The following TRAPPC9 variants were observed in gnomAD, a reference collection of about 807,000 sequenced individuals.
TRAPPC9 encodes IKK2 binding protein.
In TRAPPC9, 83 loss-of-function variants were observed where a neutral mutation model predicts 124.0. That is an observed-to-expected ratio of 0.67 (90% CI 0.56 to 0.80). TRAPPC9 has a LOEUF of 0.80. Among genes scored for constraint, TRAPPC9 ranks in the 30% least tolerant of loss-of-function variants. The probability of loss-of-function intolerance (pLI) is 0.00; values close to 1 mark genes in which losing one functional copy is unlikely to be tolerated. For missense variants in TRAPPC9, 1,302 were observed against 1,508.3 expected (o/e 0.86, Z 2.27); for synonymous variants, 638 against 617.5 (o/e 1.03, Z -0.49).
intron 11 of TRAPPC9, among the ~76,000 whole-genome samples, chr8:140,295,357 C>A (rs544402860): frequency 6.6e-6 from 1 of 152,354 alleles, no homozygotes; most frequent in South Asian, 2.1e-4. Flanking sequence ...AGCATGACTG[C>A]AGACCACAGA....
intron 21 of TRAPPC9, among the ~76,000 whole-genome samples, chr8:139,829,459 A>G (rs1350641833): frequency 2.6e-5 from 4 of 152,246 alleles, no homozygotes. Flanking sequence ...CACACGTGCT[A>G]TAATGGGAGA....
chr8:140,227,125 A>G (rs550442650), intron 16 of TRAPPC9, among the ~76,000 whole-genome samples: 2 of 152,336 alleles, frequency 1.3e-5, no homozygotes, highest in South Asian at 4.1e-4. Flanking sequence ...TCGCCCATAC[A>G]GGAACAGAGC....
At chr8:140,168,655 G>T (rs1450693408) in intron 17 of TRAPPC9, among the ~76,000 whole-genome samples, 1 of 152,144 alleles carries the variant, frequency 6.6e-6, no homozygotes, top group African/African-American at 2.4e-5. Flanking sequence ...TTGCTGTCAT[G>T]TCTGGTCCTC....
chr8:140,099,390 AGGT>A (rs2060528009), intron 17 of TRAPPC9: 1 of 151,248 alleles, frequency 6.6e-6, no homozygotes, highest in African/African-American at 2.4e-5. Flanking sequence ...CAGGGGAGAC[AGGT>A]CTCAGCGAGC....
At chr8:140,406,624 G>GT (rs1271879833) in intron 5 of TRAPPC9, among the ~76,000 whole-genome samples, 1 of 152,166 alleles carries the variant, frequency 6.6e-6, no homozygotes, top group Non-Finnish European at 1.5e-5. Context: ...GCCTCAAAAG[G>GT]TTTTTTGGAA....
intron 17 of TRAPPC9, among the ~76,000 whole-genome samples, chr8:140,161,791 T>C (rs2130893068): frequency 7.1e-6 from 1 of 141,510 alleles, no homozygotes; most frequent in South Asian, 2.3e-4. Flanking sequence ...ATTTGGGCAA[T>C]GAGAGGGGAG....
chr8:140,294,978 G>C (rs1436592558), intron 11 of TRAPPC9, among the ~76,000 whole-genome samples: 2 of 152,176 alleles, frequency 1.3e-5, no homozygotes, highest in Non-Finnish European at 2.9e-5. Context: ...AAAGCACACG[G>C]TGGTGGCCCT....
intron 21 of TRAPPC9, among the ~76,000 whole-genome samples, chr8:139,801,167 T>C (rs1175463122): frequency 1.3e-5 from 2 of 152,192 alleles, no homozygotes; most frequent in South Asian, 2.1e-4. Context: ...GATGGGTATC[T>C]CCACAGGGAC....
rs183799266 is a variant in TRAPPC9, at chr8:140,054,770, C to T, written c.2557-30691G>A. The stretch of plus-strand genomic sequence containing the variant: ...ATTAGAAGATGACTATGAACCATTA[C>T]ACAACAACAAATTGAATAACCTATG... On this transcript the variant is annotated intron_variant, in intron 17 of 22. Transcript: ENST00000438773. 6.6e-5 allele frequency among the ~76,000 whole-genome samples: 10 copies of T among 151,950 alleles called. No individual in the cohort carries two copies. In the East Asian group the frequency reaches 1.5e-3, roughly 24 times the overall value.
Position 140,197,200 on chromosome 8 carries a change from G to C in TRAPPC9, c.2556+24259C>G, listed in dbSNP as rs1390674843. Reference sequence around the variant, plus strand: ...GAGGAAGAGAAGATAGAGAAAAGGAGAGAGAAGAAAGAGAAGACCTTGAGA... The same window carrying C: ...GAGGAAGAGAAGATAGAGAAAAGGACAGAGAAGAAAGAGAAGACCTTGAGA... On this transcript the variant is annotated intron_variant, in intron 17 of 22. Transcript: ENST00000438773. Among the ~76,000 whole-genome samples the C allele has an allele frequency of 2.0e-5, 3 of 152,218 alleles. No individual in the cohort carries two copies. In the East Asian group the frequency reaches 5.8e-4, roughly 29 times the overall value.
intron 19 of TRAPPC9, among the ~76,000 whole-genome samples, chr8:139,948,728 C>G (rs562321348): frequency 2.0e-5 from 3 of 152,328 alleles, no homozygotes; most frequent in South Asian, 2.1e-4. Flanking sequence ...CCCTTTGCAG[C>G]CTTTCCCATT....
At chr8:140,041,441 G>C (rs1841271626) in intron 17 of TRAPPC9, among the ~76,000 whole-genome samples, 1 of 152,234 alleles carries the variant, frequency 6.6e-6, no homozygotes, top group South Asian at 2.1e-4. Flanking sequence ...CACAGAAAGT[G>C]AGAATTAAAC....
intron 20 of TRAPPC9, among the ~76,000 whole-genome samples, chr8:139,888,604 T>C (rs1039608418): frequency 2.6e-5 from 4 of 152,322 alleles, no homozygotes; most frequent in Non-Finnish European, 5.9e-5. Flanking sequence ...TCGAACTCCC[T>C]TGGGGGTCTT....
rs1310788776 is a variant in TRAPPC9 at position 140,347,961 on chromosome 8, A to C, written c.1495+12089T>G. On this transcript the variant is annotated intron_variant, in intron 9 of 22. Coordinates refer to ENST00000438773, the MANE Select transcript of TRAPPC9 (RefSeq NM_001160372.4). ...GGTGTCTTTTCCTTCAAAGAAACAT[A>C]AACATATATCATCACCCCACCACCA... Among the ~76,000 whole-genome samples the C allele has an allele frequency of 3.3e-5, 5 of 152,354 alleles. No individual in the cohort carries two copies. The East Asian group carries it at 9.6e-4, about 29-fold the overall frequency.
chr8:139,921,729 A>ATGGGGCCG (rs1832514178), intron 19 of TRAPPC9, among the ~76,000 whole-genome samples: 1 of 71,906 alleles, frequency 1.4e-5, no homozygotes, highest in Non-Finnish European at 2.9e-5. Flanking sequence ...GAGTGGACAG[A>ATGGGGCCG]GGGGCCGGGG....
intron 2 of TRAPPC9, among the ~76,000 whole-genome samples, chr8:140,441,228 G>A (rs1266617909): frequency 6.6e-6 from 1 of 151,646 alleles, no homozygotes; most frequent in Non-Finnish European, 1.5e-5. Flanking sequence ...TGATCCTCTT[G>A]CCTCAGCCTC....
chr8:140,092,189 T>TA (rs1375510932), intron 17 of TRAPPC9, among the ~76,000 whole-genome samples: 1 of 150,660 alleles, frequency 6.6e-6, no homozygotes, highest in Non-Finnish European at 1.5e-5. Flanking sequence ...CATTTTTTTT[T>TA]ACTTTAATTT....
Position 140,382,497 on chromosome 8 carries a change from G to GCGCATGGCTGGGAGGGTCCCA in TRAPPC9, c.1135-11338_1135-11318dup, listed in dbSNP as rs368314531. 3.3e-5 allele frequency among the ~76,000 whole-genome samples: 5 copies of GCGCATGGCTGGGAGGGTCCCA among 152,296 alleles called. No homozygotes were observed. In the East Asian group the frequency reaches 5.8e-4, roughly 18 times the overall value. On this transcript the variant is annotated intron_variant, in intron 7 of 22. Coordinates refer to ENST00000438773, the MANE Select transcript of TRAPPC9 (RefSeq NM_001160372.4). ...ACGGCACACCAGGAGATTATATCCC[G>GCGCATGGCTGGGAGGGTCCCA]CGCATGGCTGGGAGGGTCCCACGCC...
intron 9 of TRAPPC9, among the ~76,000 whole-genome samples, chr8:140,312,678 T>G (rs1280181969): frequency 6.6e-6 from 1 of 151,950 alleles, no homozygotes; most frequent in African/African-American, 2.4e-5. Flanking sequence ...AAGGGCTTCA[T>G]AGAGCTCAGG....
Sources: gnomAD v4.1 joint callset for allele counts (sites outside exome capture counted in the v4.1 genomes callset) on GRCh38, gnomAD v4.1.1 for gene constraint, MANE v1.5 for transcripts, NCBI Gene and HGNC (gene_info 2026-07-23, HGNC 2026-07-21) for gene names.